The following EIF2AK4 variants were observed in gnomAD, a reference collection of about 807,000 sequenced individuals.
EIF2AK4 encodes eukaryotic translation initiation factor 2 alpha kinase 4, also known as eIF-2-alpha kinase GCN2.
In EIF2AK4, 139 loss-of-function variants were observed where a neutral mutation model predicts 211.1. That is an observed-to-expected ratio of 0.66 (90% CI 0.57 to 0.76). The LOEUF is 0.76. Among genes scored for constraint, EIF2AK4 ranks in the 30% least tolerant of loss-of-function variants. The pLI, the probability that EIF2AK4 is intolerant of heterozygous loss-of-function variation, is 0.00. For synonymous variants in EIF2AK4, 710 were observed against 751.3 expected (o/e 0.94, Z 0.90); for missense variants, 1,664 against 2,043.8 (o/e 0.81, Z 3.58).
Position 39,996,971 on chromosome 15 carries a change from A to T in EIF2AK4, c.2774A>T (p.Asp925Val). Residue 925 changes from aspartate to valine, a missense_variant, in exon 19 of 39, where the codon GAT becomes GTT. Asp to Val is a radical substitution (Grantham distance 152). Around this residue, in one of 7 missense-constraint regions of EIF2AK4, gnomAD observed 622 missense variants for 796.8 expected, o/e 0.78. Transcript: ENST00000263791. Reference protein sequence around the residue: ...STKSAYNQKVDLFSLGIIFFE... With the variant: ...STKSAYNQKVVLFSLGIIFFE... ...ATTATTCTTCCCCCTCAGAAAGTGG[A>T]TCTCTTCAGCCTGGGAATTATCTTC... 1 of 1,611,756 alleles carries T rather than the reference A, an allele frequency of 6.2e-7. No individual in the cohort carries two copies. Among genetic ancestry groups the T allele is most frequent in the South Asian group, 1.1e-5 (1 of 90,974 alleles).
intron 35 of EIF2AK4, among the ~76,000 whole-genome samples, chr15:40,031,223 G>GAGC (rs2035538787): frequency 6.6e-6 from 1 of 152,182 alleles, no homozygotes; most frequent in Non-Finnish European, 1.5e-5. Flanking sequence ...CTGGGCAACA[G>GAGC]AGCAAGACTT....
intron 4 of EIF2AK4, among the ~76,000 whole-genome samples, chr15:39,950,282 T>A (rs1448814620): frequency 6.6e-6 from 1 of 152,198 alleles, no homozygotes; most frequent in Non-Finnish European, 1.5e-5. Context: ...TGTACTTGCA[T>A]GTAGGACAAC....
At position 39,961,685 on chromosome 15, in the gene EIF2AK4, G is replaced by A. The variant is rs17720964; in HGVS notation, c.744-99G>A. 0.11 allele frequency: 90,913 copies of A among 860,906 alleles called. 5,766 individuals are homozygous for A. Among genetic ancestry groups the A allele is most frequent in the Middle Eastern group, 0.21 (814 of 3,936 alleles). The allele number at this position is 860,906 out of a possible 1,614,324, so 53.3% of individuals were successfully genotyped here. A position where few individuals can be genotyped will look rare whatever the true frequency, so the allele number is the denominator to read the frequency against. ...GTAATAAACGGGAGAAAATGGAGGG[G>A]CATTCTTGCCTATGTTAATCTATAA... is the stretch of plus-strand genomic sequence containing the variant. On this transcript the variant is annotated intron_variant, in intron 6 of 38. Transcript: ENST00000263791.
intron 18 of EIF2AK4, among the ~76,000 whole-genome samples, chr15:39,995,166 C>A (rs2140930535): frequency 6.6e-6 from 1 of 152,148 alleles, no homozygotes; most frequent in African/African-American, 2.4e-5. Flanking sequence ...TTTTAAAAAA[C>A]CAAAGTGGGG....
At chr15:40,032,488 C>A (rs939640875) in intron 36 of EIF2AK4, among the ~76,000 whole-genome samples, 15 of 152,200 alleles carry the variant, frequency 9.9e-5, no homozygotes, top group African/African-American at 3.6e-4. Context: ...ATATATCAGG[C>A]CTTTGCCTTG....
chr15:39,939,708 C>T (rs2034118100), intron 2 of EIF2AK4, 91 bp downstream of exon 2: 1 of 975,312 alleles, frequency 1.0e-6, no homozygotes, highest in Admixed American at 2.7e-5. Flanking sequence ...TTTTCTCCTT[C>T]CTGCTCCCAT....
At chr15:39,955,577 G>A (rs1359681247) in intron 5 of EIF2AK4, 43 bp from the exon 6 acceptor site, 7 of 1,573,058 alleles carry the variant, frequency 4.4e-6, no homozygotes, top group African/African-American at 2.8e-5. Context: ...TTTCTTCCAT[G>A]TATGACTTAC....
At chr15:39,936,666 C>A (rs1052427147) in intron 1 of EIF2AK4, among the ~76,000 whole-genome samples, 1 of 152,170 alleles carries the variant, frequency 6.6e-6, no homozygotes, top group African/African-American at 2.4e-5. Context: ...CGCCTCGCCT[C>A]CCAAAGTCCT....
intron 9 of EIF2AK4, 151 bp downstream of exon 9, chr15:39,968,030 G>A (rs1391401109): frequency 1.3e-6 from 1 of 778,328 alleles, no homozygotes; most frequent in South Asian, 1.9e-5. Flanking sequence ...AGTCTCATAT[G>A]TTCTGTTTTC....
intron 13 of EIF2AK4, among the ~76,000 whole-genome samples, chr15:39,980,067 A>G (rs1032946875): frequency 6.6e-6 from 1 of 152,212 alleles, no homozygotes; most frequent in Non-Finnish European, 1.5e-5. Context: ...TGCACTATAA[A>G]ACATTCCATA....
At chr15:39,982,091 A>G (rs1212660486) in intron 13 of EIF2AK4, among the ~76,000 whole-genome samples, 1 of 151,902 alleles carries the variant, frequency 6.6e-6, no homozygotes, top group Non-Finnish European at 1.5e-5. Flanking sequence ...TGCCCGGCTA[A>G]TTTTTTGTAT....
intron 27 of EIF2AK4, among the ~76,000 whole-genome samples, chr15:40,016,090 A>T (rs2035299365): frequency 6.6e-6 from 1 of 152,244 alleles, no homozygotes; most frequent in African/African-American, 2.4e-5. Context: ...CTAATTCTGT[A>T]TTAAAACAAG....
At position 40,017,504 on chromosome 15, in the gene EIF2AK4, TA is replaced by T. The variant is rs2035320406; in HGVS notation, c.4065+263del. ...TCATGTACCCTTTACTCTGTTTCTA[TA>T]TATATATATATATATATATATATAT... is the stretch of plus-strand genomic sequence containing the variant. On this transcript the variant is annotated intron_variant, in intron 29 of 38. Transcript: ENST00000263791. Among the ~76,000 whole-genome samples the T allele has an allele frequency of 1.9e-3, 150 of 81,038 alleles. 9 individuals are homozygous for T. The highest frequency in any genetic ancestry group is 5.1e-3 in the East Asian group (12 of 2,346). The allele number at this position is 81,038 out of a possible 152,430, so 53.2% of individuals were successfully genotyped here.
intron 23 of EIF2AK4, among the ~76,000 whole-genome samples, chr15:40,004,323 C>T (rs1033086484): frequency 2.0e-5 from 3 of 152,048 alleles, no homozygotes; most frequent in African/African-American, 7.3e-5. Context: ...TGTTAATTGC[C>T]ATATTATTGT....
chr15:40,015,500 C>A (rs1476825585), intron 27 of EIF2AK4, among the ~76,000 whole-genome samples: 1 of 152,104 alleles, frequency 6.6e-6, no homozygotes, highest in South Asian at 2.1e-4. Context: ...TATCATGAGA[C>A]TATCATGGGA....
At chr15:39,980,352 T>C (rs1295222668) in intron 13 of EIF2AK4, among the ~76,000 whole-genome samples, 1 of 152,206 alleles carries the variant, frequency 6.6e-6, no homozygotes, top group Non-Finnish European at 1.5e-5. Context: ...TACTTTCTAA[T>C]AAAAAGTACA....
chr15:40,027,565 G>T (rs1295693323), intron 33 of EIF2AK4, among the ~76,000 whole-genome samples: 1 of 151,562 alleles, frequency 6.6e-6, no homozygotes, highest in Non-Finnish European at 1.5e-5. Context: ...CATTGACATG[G>T]AAAGATGTCC....
Position 39,955,626 on chromosome 15 carries a change from T to C in EIF2AK4, c.601T>C (p.Leu201=). ...KRKEMAKQER[L]EIASLSNQDH... is the part of the protein sequence containing the mutation. ...TTTACTTTTCTTGTTCTAGGAACGT[T>C]TGGAAATTGCTAGTTTGTCAAACCA... Residue 201 remains leucine, a synonymous_variant, in exon 6 of 39, where the codon TTG becomes CTG. Coordinates refer to ENST00000263791, the MANE Select transcript of EIF2AK4 (RefSeq NM_001013703.4). The C allele has an allele frequency of 6.2e-7, 1 of 1,606,226 alleles. No homozygotes were observed.
intron 23 of EIF2AK4, among the ~76,000 whole-genome samples, chr15:40,005,506 A>T (rs931336438): frequency 2.0e-5 from 3 of 151,708 alleles, no homozygotes; most frequent in African/African-American, 7.3e-5. Flanking sequence ...GAAAAACAAC[A>T]ACAACAAAAC....
Sources: allele counts gnomAD v4.1 joint callset (sites outside exome capture counted in the v4.1 genomes callset), GRCh38; gene constraint gnomAD v4.1.1; regional missense constraint gnomAD v4.1.1; transcripts MANE v1.5; gene names NCBI Gene and HGNC (gene_info 2026-07-23, HGNC 2026-07-21).